Variants in GLRA3 observed in about 807,000 individuals in gnomAD.
GLRA3 encodes glycine receptor alpha 3, also known as glycine receptor subunit alpha-3.
Under a neutral mutation model 60.4 loss-of-function variants are expected in GLRA3, and 44 were observed. The observed-to-expected ratio is 0.73, with a 90% CI of 0.57 to 0.94. GLRA3 has a LOEUF of 0.94. Ranked by LOEUF, GLRA3 falls within the 40% of genes least tolerant of loss-of-function variation. GLRA3 has a pLI of 0.00. For synonymous variants in GLRA3, 223 were observed against 192.9 expected, an observed-to-expected ratio of 1.16 and a Z score of -1.29; for missense variants, 508 against 564.6, an observed-to-expected ratio of 0.90 and a Z score of 1.02.
At chr4:174,669,602 G>T (rs563316824) in intron 7 of GLRA3, among the ~76,000 whole-genome samples, 1 of 152,180 alleles carries the variant, frequency 6.6e-6, no homozygotes, top group East Asian at 1.9e-4. Flanking sequence ...TTGTGAAAGG[G>T]TTTTTCTCTG....
At chr4:174,746,146 C>G (rs915861215) in intron 3 of GLRA3, among the ~76,000 whole-genome samples, 1 of 152,106 alleles carries the variant, frequency 6.6e-6, no homozygotes, top group Non-Finnish European at 1.5e-5. Flanking sequence ...TACTGGGTAT[C>G]TATCCAAAGG....
At chr4:174,802,849 C>A (rs2111346143) in intron 1 of GLRA3, among the ~76,000 whole-genome samples, 1 of 152,100 alleles carries the variant, frequency 6.6e-6, no homozygotes, top group Middle Eastern at 3.4e-3. Flanking sequence ...CTGTCAGTAT[C>A]TTTTTAACCA....
intron 5 of GLRA3, among the ~76,000 whole-genome samples, chr4:174,696,641 G>T (rs908391333): frequency 2.6e-5 from 4 of 151,878 alleles, no homozygotes; most frequent in Non-Finnish European, 5.9e-5. Flanking sequence ...ATATCCATGA[G>T]ATTAGATAAA....
Position 174,729,894 on chromosome 4 carries a change from C to T in GLRA3, c.268-1196G>A, listed in dbSNP as rs566334881. On this transcript the variant is annotated intron_variant, in intron 3 of 9. Transcript: ENST00000274093. ...GAATATAGTAACCAACCAATCACAA[C>T]GGATGCTTTAATAATATCAGAACAG... Among the ~76,000 whole-genome samples the T allele has an allele frequency of 3.3e-5, 5 of 152,250 alleles. No homozygotes were observed. In the East Asian group the frequency reaches 5.8e-4, roughly 18 times the overall value.
chr4:174,683,896 GA>G (rs1339127861), intron 5 of GLRA3, among the ~76,000 whole-genome samples: 4 of 152,170 alleles, frequency 2.6e-5, no homozygotes, highest in Admixed American at 2.6e-4. Flanking sequence ...ATCATTTAAT[GA>G]TTCACCAATT....
chr4:174,687,088 A>G (rs1734577605), intron 5 of GLRA3, among the ~76,000 whole-genome samples: 1 of 152,174 alleles, frequency 6.6e-6, no homozygotes, highest in Non-Finnish European at 1.5e-5. Flanking sequence ...TGATGTTGAA[A>G]AAACAATGGT....
chr4:174,644,200 G>A, intron 9 of GLRA3, 136 bp from the exon 10 acceptor site: 2 of 618,710 alleles, frequency 3.2e-6, no homozygotes, highest in Non-Finnish European at 2.9e-6. Context: ...AGCATATAAA[G>A]ATGAATTGGT....
chr4:174,684,121 A>G (rs1274084534), intron 5 of GLRA3, among the ~76,000 whole-genome samples: 1 of 152,164 alleles, frequency 6.6e-6, no homozygotes, highest in Non-Finnish European at 1.5e-5. Flanking sequence ...AGGCAAATGA[A>G]AGCTTATTAT....
intron 1 of GLRA3, among the ~76,000 whole-genome samples, chr4:174,825,176 A>T (rs1442143620): frequency 2.6e-5 from 4 of 152,052 alleles, no homozygotes; most frequent in Non-Finnish European, 5.9e-5. Flanking sequence ...AGATTTTTTT[A>T]AAACTATACA....
Position 174,643,945 on chromosome 4 carries a change from T to C in GLRA3, c.1236A>G (p.Lys412=), listed in dbSNP as rs779111192. The C allele has an allele frequency of 1.2e-6, 2 of 1,614,068 alleles. No individual in the cohort carries two copies. The highest frequency in any genetic ancestry group is 1.3e-5 in the African/African-American group (1 of 75,038). ...AGACCTTCCTCATTTCATCAGGACT[T>C]TTTGGCATTACCTGGACAGGGTGGT... ...GPNHPVQVMP[K]SPDEMRKVFI... The change falls in exon 10 of 10, where the codon AAA becomes AAG. Residue 412 remains lysine (K), a synonymous_variant. Coordinates refer to ENST00000274093, the MANE Select transcript of GLRA3 (RefSeq NM_006529.4).
chr4:174,692,494 G>C (rs1174809724), intron 5 of GLRA3, among the ~76,000 whole-genome samples: 1 of 150,628 alleles, frequency 6.6e-6, no homozygotes, highest in East Asian at 1.9e-4. Context: ...TTGTGGAATA[G>C]AAAGGGGGGA....
chr4:174,674,837 G>T (rs1256918560), intron 7 of GLRA3, among the ~76,000 whole-genome samples: 1 of 152,076 alleles, frequency 6.6e-6, no homozygotes, highest in African/African-American at 2.4e-5. Flanking sequence ...AAGGTGCACG[G>T]TCTCACACAT....
At position 174,745,790 on chromosome 4, in the gene GLRA3, GAAA is replaced by G. The variant is rs551704368; in HGVS notation, c.268-17095_268-17093del. ...ATAAGGAACTTGAACAACTCAATAG[GAAA>G]AAAAAAAAAAGTTCCAAATAATCCC... On this transcript the variant is annotated intron_variant, in intron 3 of 9. Coordinates refer to ENST00000274093, the MANE Select transcript of GLRA3 (RefSeq NM_006529.4). Among the ~76,000 whole-genome samples, 807 of 138,988 alleles carry G rather than the reference GAAA, an allele frequency of 5.8e-3. 5 individuals carry two copies. Among genetic ancestry groups the G allele is most frequent in the African/African-American group, 0.02 (761 of 38,752 alleles). 91.2% of individuals were successfully genotyped at this position (138,988 alleles called of 152,430 possible). A position where few individuals can be genotyped will look rare whatever the true frequency, so the allele number is the denominator to read the frequency against.
At chr4:174,724,600 AT>A (rs1736250720) in intron 4 of GLRA3, among the ~76,000 whole-genome samples, 1 of 152,020 alleles carries the variant, frequency 6.6e-6, no homozygotes, top group Non-Finnish European at 1.5e-5. Flanking sequence ...ATTCACTCAT[AT>A]TTTTGCTTCC....
intron 1 of GLRA3, among the ~76,000 whole-genome samples, chr4:174,813,743 C>T (rs751763471): frequency 4.2e-4 from 64 of 152,316 alleles, no homozygotes; most frequent in Non-Finnish European, 7.5e-4. Flanking sequence ...TAAAATCTAT[C>T]CTTCAACTAT....
rs1732718136 is a variant in GLRA3 at position 174,644,063 on chromosome 4, T to C, written c.1118A>G (p.Asp373Gly). The stretch of plus-strand genomic sequence containing the variant: ...GAATCGGCTTTCCCTTACCTCATCA[T>C]CCTGTCAAAGAAAAATGTGACAAGG... ...LEKFYRFSDM[D>G]DEVRESRFSF... is the part of the protein sequence containing the mutation. The change falls in exon 10 of 10, where the codon GAT (aspartate) becomes GGT (glycine). Residue 373 changes from aspartate to glycine, a missense_variant and splice_region_variant. Coordinates refer to ENST00000274093, the MANE Select transcript of GLRA3 (RefSeq NM_006529.4). The C allele has an allele frequency of 6.3e-7, 1 of 1,594,256 alleles. No homozygotes were observed. The highest frequency in any genetic ancestry group is 8.6e-7 in the Non-Finnish European group (1 of 1,167,060).
Position 174,658,842 on chromosome 4 carries a change from G to A in GLRA3, c.1071+212C>T, listed in dbSNP as rs528588106. Among the ~76,000 whole-genome samples, 157 of 152,208 alleles carry A rather than the reference G, an allele frequency of 1.0e-3. 2 individuals carry two copies. In the South Asian group the frequency reaches 0.031, roughly 30 times the overall value. ...AACTTGATATAGGTCCCATGTCATC[G>A]GATATGCTGTTTAAAGTAGAGCTAG... On this transcript the variant is annotated intron_variant, in intron 8 of 9. Transcript: ENST00000274093.
In GLRA3 at chr4:174,764,468, A is replaced by C. The variant is rs373500613; in HGVS notation, c.267+2495T>G. ...ATGATTACAGATAATTTGAGATTCC[A>C]TCCTCTCAATTTTAATTGACTGCCT... On this transcript the variant is annotated intron_variant, in intron 3 of 9. Transcript: ENST00000274093. 3.3e-5 allele frequency among the ~76,000 whole-genome samples: 5 copies of C among 152,084 alleles called. No homozygotes were observed. In the East Asian group the frequency reaches 7.7e-4, roughly 23 times the overall value.
chr4:174,646,900 AAAT>A (rs1178112297), intron 9 of GLRA3, among the ~76,000 whole-genome samples: 4 of 152,200 alleles, frequency 2.6e-5, no homozygotes, highest in Non-Finnish European at 4.4e-5. Context: ...CAATATGGCC[AAAT>A]GTTCCAGGAG....
Sources: gnomAD v4.1 joint callset for allele counts (sites outside exome capture counted in the v4.1 genomes callset) on GRCh38, gnomAD v4.1.1 for gene constraint, MANE v1.5 for transcripts, NCBI Gene and HGNC (gene_info 2026-07-23, HGNC 2026-07-21) for gene names.